Variants in DCC observed in about 807,000 individuals in gnomAD.
DCC encodes the protein DCC netrin 1 receptor.
In DCC, 58 loss-of-function variants were observed where a neutral mutation model predicts 172.5. The ratio of observed to expected loss-of-function variants is 0.34; its 90% confidence interval spans 0.27 to 0.42. DCC has a LOEUF of 0.42. Ranked by LOEUF, DCC falls within the 10% of genes least tolerant of loss-of-function variation. The pLI, the probability that DCC is intolerant of heterozygous loss-of-function variation, is 1.00. For missense variants in DCC, 1,740 were observed against 1,791.0 expected (o/e 0.97, Z 0.51); for synonymous variants, 709 against 644.5 (o/e 1.10, Z -1.52).
At chr18:52,411,193 T>G (rs926667393) in intron 1 of DCC, among the ~76,000 whole-genome samples, 1 of 152,146 alleles carries the variant, frequency 6.6e-6, no homozygotes, top group Non-Finnish European at 1.5e-5. Flanking sequence ...GCGGACTGCT[T>G]TAAGGCAGCT....
chr18:53,350,447 A>T (rs1217666933), intron 15 of DCC, among the ~76,000 whole-genome samples: 2 of 152,182 alleles, frequency 1.3e-5, no homozygotes, highest in Non-Finnish European at 2.9e-5. Flanking sequence ...CCTTTCAGTG[A>T]TGCTTACTAG....
intron 27 of DCC, among the ~76,000 whole-genome samples, chr18:53,517,799 T>C (rs2046354917): frequency 6.6e-6 from 1 of 152,128 alleles, no homozygotes; most frequent in Non-Finnish European, 1.5e-5. Flanking sequence ...GAGATGTTTA[T>C]CACCCTTAAA....
intron 1 of DCC, among the ~76,000 whole-genome samples, chr18:52,384,667 A>T (rs572180619): frequency 6.6e-5 from 10 of 152,138 alleles, no homozygotes; most frequent in Non-Finnish European, 1.3e-4. Flanking sequence ...TAAAGTTACC[A>T]AGTCGTCTTT....
At chr18:52,542,447 A>G (rs999299567) in intron 1 of DCC, among the ~76,000 whole-genome samples, 1 of 152,158 alleles carries the variant, frequency 6.6e-6, no homozygotes, top group African/African-American at 2.4e-5. Flanking sequence ...TGTCACAAAC[A>G]CTGTAGAATT....
rs1042088895 is a variant in DCC at position 53,534,066 on chromosome 18, C to T, written c.*3413C>T. 2.0e-5 allele frequency: 3 copies of T among 152,198 alleles called. No individual in the cohort carries two copies. The highest frequency in any genetic ancestry group is 7.2e-5 in the African/African-American group (3 of 41,442). 9.4% of individuals were successfully genotyped at this position (152,198 alleles called of 1,614,324 possible). On this transcript the variant is annotated 3_prime_UTR_variant, in exon 29 of 29. Coordinates refer to ENST00000442544, the MANE Select transcript of DCC (RefSeq NM_005215.4). ...AGATGATTGCTGATACTTATCCACC[C>T]TTTGGGTACTTCTGTTGACTTTGTT...
At chr18:53,479,552 C>A (rs949008291) in intron 25 of DCC, among the ~76,000 whole-genome samples, 1 of 152,128 alleles carries the variant, frequency 6.6e-6, no homozygotes, top group African/African-American at 2.4e-5. Context: ...TAGAGTTATG[C>A]AGACACAGTC....
intron 5 of DCC, among the ~76,000 whole-genome samples, chr18:52,988,760 T>C (rs577673866): frequency 2.6e-5 from 4 of 152,116 alleles, no homozygotes; most frequent in Non-Finnish European, 5.9e-5. Context: ...AACCTTTATA[T>C]ATGTTCTTGA....
intron 9 of DCC, among the ~76,000 whole-genome samples, chr18:53,183,623 T>C (rs1321988925): frequency 6.6e-6 from 1 of 152,064 alleles, no homozygotes; most frequent in Non-Finnish European, 1.5e-5. Context: ...AAAACTCTTT[T>C]AGATTTAAGA....
chr18:53,479,949 T>C (rs2045812349), intron 25 of DCC, among the ~76,000 whole-genome samples: 2 of 152,180 alleles, frequency 1.3e-5, no homozygotes, highest in Admixed American at 1.3e-4. Context: ...CAATTTGTTG[T>C]GGAAATCTTT....
At chr18:52,900,467 A>G (rs1230417010) in intron 2 of DCC, among the ~76,000 whole-genome samples, 1 of 152,200 alleles carries the variant, frequency 6.6e-6, no homozygotes, top group Non-Finnish European at 1.5e-5. Flanking sequence ...AATAGCACCC[A>G]ATGCTTACTG....
intron 26 of DCC, among the ~76,000 whole-genome samples, chr18:53,495,463 A>G (rs368664950): frequency 1.3e-5 from 2 of 151,648 alleles, no homozygotes. Context: ...TTTCTGGCTT[A>G]TAGAGTTTCT....
intron 2 of DCC, among the ~76,000 whole-genome samples, chr18:52,874,389 T>G (rs1330470963): frequency 1.3e-5 from 2 of 152,214 alleles, no homozygotes; most frequent in Non-Finnish European, 2.9e-5. Context: ...CGGACTTCTT[T>G]ATAATCAAAA....
intron 5 of DCC, among the ~76,000 whole-genome samples, chr18:52,951,895 T>C (rs1254552447): frequency 1.3e-5 from 2 of 152,202 alleles, no homozygotes; most frequent in African/African-American, 4.8e-5. Flanking sequence ...AAGGAGAATA[T>C]AGGCAAGTGT....
chr18:52,383,257 G>C (rs986150076), intron 1 of DCC, among the ~76,000 whole-genome samples: 8 of 152,072 alleles, frequency 5.3e-5, no homozygotes, highest in Admixed American at 3.9e-4. Flanking sequence ...AAATTTATAG[G>C]ATTGTCCATC....
chr18:53,297,038 T>A (rs573316362), intron 12 of DCC, among the ~76,000 whole-genome samples: 2 of 152,348 alleles, frequency 1.3e-5, no homozygotes, highest in East Asian at 1.9e-4. Flanking sequence ...TAAGGCAGAA[T>A]GTCAGTGTGC....
intron 2 of DCC, among the ~76,000 whole-genome samples, chr18:52,772,263 T>C (rs138417757): frequency 2.1e-3 from 325 of 152,334 alleles, no homozygotes; most frequent in East Asian, 0.021. Flanking sequence ...ACTAGACCAT[T>C]GTACCATGAC....
chr18:53,426,685 G>A (rs987990513), intron 21 of DCC, among the ~76,000 whole-genome samples: 1 of 151,706 alleles, frequency 6.6e-6, no homozygotes, highest in Admixed American at 6.6e-5. Context: ...CCATATGGTT[G>A]TAAGTATTCA....
intron 2 of DCC, among the ~76,000 whole-genome samples, chr18:52,847,016 A>C (rs2038905135): frequency 6.6e-6 from 1 of 152,176 alleles, no homozygotes; most frequent in South Asian, 2.1e-4. Flanking sequence ...TCCTGACCTT[A>C]CAGGTAGAAT....
At chr18:52,539,279 G>A (rs777133914) in intron 1 of DCC, among the ~76,000 whole-genome samples, 104 of 151,936 alleles carry the variant, frequency 6.8e-4, no homozygotes, top group Admixed American at 1.6e-3. Flanking sequence ...CCTCTACCAA[G>A]ATCTAAGAGG....
Sources: gnomAD v4.1 joint callset for allele counts (sites outside exome capture counted in the v4.1 genomes callset) on GRCh38, gnomAD v4.1.1 for gene constraint, MANE v1.5 for transcripts, NCBI Gene and HGNC (gene_info 2026-07-23, HGNC 2026-07-21) for gene names.